Variants in MBP observed in about 807,000 individuals in gnomAD.
MBP encodes Golli-MBP.
In MBP, 16 loss-of-function variants were observed where a neutral mutation model predicts 35.8. The observed-to-expected ratio is 0.45, with a 90% CI of 0.30 to 0.68. The LOEUF is 0.68. Among genes scored for constraint, MBP ranks in the 30% least tolerant of loss-of-function variants. The probability of loss-of-function intolerance (pLI) is 0.08; values close to 1 mark genes in which losing one functional copy is unlikely to be tolerated. For synonymous variants in MBP, 143 were observed against 159.6 expected, an observed-to-expected ratio of 0.90 and a Z score of 0.78; for missense variants, 380 against 404.7, an observed-to-expected ratio of 0.94 and a Z score of 0.52.
intron 7 of MBP, chr18:76,987,079 T>A (rs536025056): frequency 2.0e-6 from 2 of 985,442 alleles, no homozygotes; most frequent in African/African-American, 3.5e-5. Context: ...AAGGGAGAGA[T>A]GCAGGGAGGA....
At chr18:76,984,704 T>A (rs1969433991) in intron 8 of MBP, 71 bp downstream of exon 8, 2 of 1,606,906 alleles carry the variant, frequency 1.2e-6, no homozygotes, top group South Asian at 2.2e-5. Context: ...GCCACCCTTG[T>A]ACTCAGCTTA....
At chr18:77,123,452 A>G (rs1294555576) in intron 1 of MBP, among the ~76,000 whole-genome samples, 2 of 152,264 alleles carry the variant, frequency 1.3e-5, no homozygotes, top group African/African-American at 4.8e-5. Flanking sequence ...ACATGAAAGC[A>G]CACATTTGAG....
chr18:77,056,802 C>T (rs1306297493), intron 3 of MBP, among the ~76,000 whole-genome samples: 1 of 152,206 alleles, frequency 6.6e-6, no homozygotes. Context: ...CACACAACCC[C>T]CCTCTGCACA....
rs1459825393 is a variant in MBP at position 77,131,239 on chromosome 18, G to GCTCA, written c.-26+1340_-26+1341insTGAG. Among the ~76,000 whole-genome samples the GCTCA allele has an allele frequency of 6.6e-6, 1 of 152,110 alleles. No individual in the cohort carries two copies. On this transcript the variant is annotated intron_variant, in intron 1 of 8. Transcript: ENST00000355994. This position sits in a 1 kb window ranked among gnomAD's most constrained non-coding sequence, Gnocchi z 5.5. ...CGCTAAGGAGGTGCTCATCACTGGA[G>GCTCA]GTGGCCGCCAGGGAGCTCAGTGCGG... is the stretch of plus-strand genomic sequence containing the variant.
chr18:77,111,636 C>T lies in MBP; in HGVS notation c.-25-6350G>A, dbSNP rs188352909. On this transcript the variant is annotated intron_variant, in intron 1 of 8. Coordinates refer to ENST00000355994, the MANE Select transcript of MBP (RefSeq NM_001025101.2). ...GCACCCAGGGCGGGATTCACCAGGG[C>T]CACCACCAACATGCTGAGACCTGGT... is the stretch of plus-strand genomic sequence containing the variant. Among the ~76,000 whole-genome samples the T allele has an allele frequency of 2.3e-3, 344 of 152,290 alleles. 3 individuals carry two copies. The highest frequency in any genetic ancestry group is 7.6e-3 in the African/African-American group (315 of 41,558).
At chr18:77,083,459 C>T (rs544147815) in intron 2 of MBP, among the ~76,000 whole-genome samples, 63 of 152,232 alleles carry the variant, frequency 4.1e-4, no homozygotes, top group African/African-American at 1.5e-3. Context: ...ATGAGTATAT[C>T]AGAATTCAGG....
intron 1 of MBP, among the ~76,000 whole-genome samples, chr18:77,125,248 A>G (rs968670070): frequency 3.9e-5 from 6 of 152,008 alleles, no homozygotes; most frequent in Non-Finnish European, 8.8e-5. Flanking sequence ...TTCCTCTCTA[A>G]CACTTCATTA....
chr18:76,984,643 T>A (rs1969429853), intron 8 of MBP, 132 bp downstream of exon 8: 10 of 1,296,232 alleles, frequency 7.7e-6, no homozygotes, highest in Non-Finnish European at 1.1e-5. Context: ...CCTGCACGCC[T>A]GCTGGGACAG....
chr18:77,095,190 C>A (rs1441981175), intron 2 of MBP, among the ~76,000 whole-genome samples: 1 of 152,170 alleles, frequency 6.6e-6, no homozygotes, highest in Non-Finnish European at 1.5e-5. Context: ...CCTGTCGGCA[C>A]CCACACAATC....
chr18:77,029,420 A>T (rs1444964806), intron 3 of MBP, among the ~76,000 whole-genome samples: 1 of 91,500 alleles, frequency 1.1e-5, no homozygotes, highest in Non-Finnish European at 2.0e-5. Flanking sequence ...GGAGAGGGAG[A>T]CCGTGGGGAG....
chr18:77,018,322 A>C, intron 3 of MBP, among the ~76,000 whole-genome samples: 1 of 139,986 alleles, frequency 7.1e-6, no homozygotes, highest in East Asian at 2.1e-4. Context: ...ATATCAGTCC[A>C]TTTACTCATC....
intron 2 of MBP, among the ~76,000 whole-genome samples, chr18:77,099,911 C>G (rs772432354): frequency 2.0e-5 from 3 of 152,242 alleles, no homozygotes; most frequent in Non-Finnish European, 2.9e-5. Context: ...AGGGCAGAGA[C>G]TGCGTGTGGC....
At chr18:77,022,607 T>C (rs897763889) in intron 3 of MBP, among the ~76,000 whole-genome samples, 12 of 152,228 alleles carry the variant, frequency 7.9e-5, no homozygotes, top group African/African-American at 2.9e-4. Flanking sequence ...ATTTTATAGC[T>C]GTGCTTTATG....
chr18:77,087,187 G>A (rs914305264), intron 2 of MBP, among the ~76,000 whole-genome samples: 3 of 152,218 alleles, frequency 2.0e-5, no homozygotes, highest in Non-Finnish European at 4.4e-5. Flanking sequence ...CCATCCAGGA[G>A]GCGAAATAGC....
At chr18:77,073,692 A>T (rs1974540490) in intron 2 of MBP, among the ~76,000 whole-genome samples, 2 of 152,222 alleles carry the variant, frequency 1.3e-5, no homozygotes, top group South Asian at 4.1e-4. Flanking sequence ...CCTGGAAAAA[A>T]TAGTCCAGAA....
At chr18:77,026,908 C>T (rs910972151) in intron 3 of MBP, among the ~76,000 whole-genome samples, 6 of 152,012 alleles carry the variant, frequency 3.9e-5, no homozygotes, top group Non-Finnish European at 7.4e-5. Context: ...ATCTGGTGGA[C>T]ATCACGTCCA....
intron 1 of MBP, among the ~76,000 whole-genome samples, chr18:77,106,136 G>A (rs1013904807): frequency 6.6e-5 from 10 of 152,192 alleles, no homozygotes; most frequent in African/African-American, 2.4e-4. Context: ...GCAAAAAGGT[G>A]TGAGTACCCA....
chr18:76,995,640 C>T (rs1024973933), intron 4 of MBP, among the ~76,000 whole-genome samples: 2 of 152,132 alleles, frequency 1.3e-5, no homozygotes, highest in Non-Finnish European at 2.9e-5. Context: ...AAAACAACGA[C>T]CACGAAAAAC....
intron 2 of MBP, among the ~76,000 whole-genome samples, chr18:77,075,347 A>C (rs1974608817): frequency 6.6e-6 from 1 of 152,198 alleles, no homozygotes. Flanking sequence ...AAACACTCTT[A>C]CTCCTCTTAA....
Sources: allele counts gnomAD v4.1 joint callset (sites outside exome capture counted in the v4.1 genomes callset), GRCh38; gene constraint gnomAD v4.1.1; non-coding constraint Gnocchi (gnomAD v3.1); transcripts MANE v1.5; gene names NCBI Gene and HGNC (gene_info 2026-07-23, HGNC 2026-07-21).